AFF2: variants seen among roughly 807,000 people sequenced by gnomAD.
AFF2 encodes ALF transcription elongation factor 2.
AFF2 carries 14 observed loss-of-function variants against 76.9 expected under a neutral mutation model. The observed-to-expected ratio is 0.18, with a 90% confidence interval of 0.12 to 0.28. The LOEUF is 0.28. Among genes scored for constraint, AFF2 ranks in the 10% least tolerant of loss-of-function variants. AFF2 has a pLI of 1.00. For synonymous variants in AFF2, 398 were observed against 366.7 expected, an observed-to-expected ratio of 1.09 and a Z score of -0.98; for missense variants, 868 against 1,001.1, an observed-to-expected ratio of 0.87 and a Z score of 1.79.
chrX:148,890,502 A>G (rs1303278008), intron 8 of AFF2, among the ~76,000 whole-genome samples: 2 of 112,283 alleles, frequency 1.8e-5, no homozygotes, highest in Non-Finnish European at 3.8e-5. Context: ...AGGTATCCAT[A>G]GGGATCTGTT....
At chrX:148,795,130 C>T (rs2069950702) in intron 3 of AFF2, among the ~76,000 whole-genome samples, 1 of 112,109 alleles carries the variant, frequency 8.9e-6, no homozygotes, top group South Asian at 3.7e-4. Flanking sequence ...TCTAAATTTC[C>T]AAGGAATGAT....
intron 1 of AFF2, among the ~76,000 whole-genome samples, chrX:148,643,957 G>T (rs1011324674): frequency 8.9e-6 from 1 of 111,735 alleles, no homozygotes; most frequent in Non-Finnish European, 1.9e-5. Context: ...GAATACTGCT[G>T]CAGGCAGATG....
intron 1 of AFF2, among the ~76,000 whole-genome samples, chrX:148,615,378 A>G (rs1339499666): frequency 8.9e-6 from 1 of 112,075 alleles, no homozygotes; most frequent in Admixed American, 9.4e-5. Context: ...TTACATTGAC[A>G]GTGTCGTTTT....
intron 3 of AFF2, among the ~76,000 whole-genome samples, chrX:148,787,295 A>C (rs1305281004): frequency 1.8e-5 from 2 of 111,340 alleles, no homozygotes; most frequent in Non-Finnish European, 3.8e-5. Flanking sequence ...TTTTGTGAGG[A>C]ACAATCAACA....
At chrX:148,971,326 G>T (rs782592662) in intron 15 of AFF2, among the ~76,000 whole-genome samples, 1 of 101,097 alleles carries the variant, frequency 9.9e-6, no homozygotes, top group Non-Finnish European at 2.0e-5. Flanking sequence ...GGCGATACGG[G>T]CTTTATGCCC....
chrX:148,602,856 C>G (rs904492078), intron 1 of AFF2, among the ~76,000 whole-genome samples: 1 of 108,518 alleles, frequency 9.2e-6, no homozygotes, highest in Admixed American at 9.9e-5. Flanking sequence ...TCTGTAAGGA[C>G]TAATGCAGGT....
At chrX:148,767,250 G>T (rs1191796590) in intron 3 of AFF2, among the ~76,000 whole-genome samples, 3 of 110,906 alleles carry the variant, frequency 2.7e-5, no homozygotes, top group Non-Finnish European at 5.7e-5. Flanking sequence ...TGTTAATGTG[G>T]TTGGATGATG....
intron 9 of AFF2, among the ~76,000 whole-genome samples, chrX:148,927,724 T>A (rs1211002439): frequency 8.9e-6 from 1 of 112,105 alleles, no homozygotes; most frequent in African/African-American, 3.2e-5. Context: ...TTTCATGGAG[T>A]GTCATGAACA....
Position 148,995,527 on chromosome X carries a change from A to C in AFF2, c.*4195A>C, listed in dbSNP as rs1331357025. 1 of 109,433 alleles carries C rather than the reference A, an allele frequency of 9.1e-6. No homozygotes were observed. The highest frequency in any genetic ancestry group is 3.4e-5 in the African/African-American group (1 of 29,819). The allele number at this position is 109,433 out of a possible 1,213,427, so 9.0% of individuals were successfully genotyped here. ...GGGTGGGGAAGCCCCACAAAGCCAGATTGCAGTTCTTGCCCCTTTTTGCGT... is the reference window on the plus strand; with the variant it reads ...GGGTGGGGAAGCCCCACAAAGCCAGCTTGCAGTTCTTGCCCCTTTTTGCGT... On this transcript the variant is annotated 3_prime_UTR_variant, in exon 21 of 21. Coordinates refer to ENST00000370460, the MANE Select transcript of AFF2 (RefSeq NM_002025.4).
chrX:148,661,226 T>C (rs1348933861), intron 2 of AFF2, among the ~76,000 whole-genome samples: 1 of 112,664 alleles, frequency 8.9e-6, no homozygotes, highest in East Asian at 2.8e-4. Flanking sequence ...TGATGAACAA[T>C]TGCATCATTT....
rs782508166 is a variant in AFF2 at position 148,916,196 on chromosome X, C to CTTTTTT, written c.1397+11964_1397+11969dup. 1.9e-3 allele frequency among the ~76,000 whole-genome samples: 65 copies of CTTTTTT among 34,038 alleles called. 4 individuals are homozygous for CTTTTTT. The highest frequency in any genetic ancestry group is 8.1e-3 in the African/African-American group (65 of 8,055). 29.6% of individuals were successfully genotyped at this position (34,038 alleles called of 115,157 possible). On this transcript the variant is annotated intron_variant, in intron 9 of 20. Transcript: ENST00000370460. ...AATAGACTTTTGAATGTGGTTTTAA[C>CTTTTTT]TTTTTTTTTTTTTTTTTTTTTTTTT...
intron 3 of AFF2, among the ~76,000 whole-genome samples, chrX:148,750,342 A>C (rs2055482783): frequency 9.1e-6 from 1 of 110,399 alleles, no homozygotes; most frequent in South Asian, 3.8e-4. Context: ...TGTTGGTTTT[A>C]TTTTCTGGGG....
At chrX:148,944,062 A>G (rs953662926) in intron 9 of AFF2, among the ~76,000 whole-genome samples, 12 of 112,323 alleles carry the variant, frequency 1.1e-4, no homozygotes, top group Admixed American at 1.9e-4. Flanking sequence ...GAAGACATAA[A>G]GCACGGAAAA....
chrX:148,804,266 C>T (rs1569555785), intron 3 of AFF2, among the ~76,000 whole-genome samples: 1 of 111,797 alleles, frequency 8.9e-6, no homozygotes, highest in Non-Finnish European at 1.9e-5. Flanking sequence ...GAGTGGCTTG[C>T]CCAAGGTCAT....
intron 3 of AFF2, among the ~76,000 whole-genome samples, chrX:148,763,273 G>A (rs1433351283): frequency 3.6e-5 from 4 of 111,504 alleles, no homozygotes; most frequent in East Asian, 5.6e-4. Flanking sequence ...GCTTTTCCAC[G>A]GGAGTACAAA....
chrX:148,810,535 C>T (rs184944174), intron 4 of AFF2, among the ~76,000 whole-genome samples: 1 of 112,339 alleles, frequency 8.9e-6, no homozygotes, highest in Non-Finnish European at 1.9e-5. Context: ...TGTCTGCTCT[C>T]TCTGGCCATT....
chrX:148,594,298 A>AGGAC (rs782731521), intron 1 of AFF2, among the ~76,000 whole-genome samples: 1 of 111,966 alleles, frequency 8.9e-6, no homozygotes, highest in Non-Finnish European at 1.9e-5. Flanking sequence ...CACCCTCCTG[A>AGGAC]GGACCTCTTT....
chrX:148,669,565 G>A (rs144816973), intron 3 of AFF2, among the ~76,000 whole-genome samples: 1,553 of 111,423 alleles, frequency 0.014, 30 homozygotes, highest in African/African-American at 0.045. Flanking sequence ...AAGAGAGCTT[G>A]TGCAGGGAAA....
chrX:148,568,263 A>G (rs2053190364), intron 1 of AFF2, among the ~76,000 whole-genome samples: 1 of 112,049 alleles, frequency 8.9e-6, no homozygotes, highest in Non-Finnish European at 1.9e-5. Flanking sequence ...CAGATCACTT[A>G]TAAACTGTCC....
Sources: gnomAD v4.1 joint callset for allele counts (sites outside exome capture counted in the v4.1 genomes callset) on GRCh38, gnomAD v4.1.1 for gene constraint, MANE v1.5 for transcripts, NCBI Gene and HGNC (gene_info 2026-07-23, HGNC 2026-07-21) for gene names.